FBXL18: variants seen among roughly 807,000 people sequenced by gnomAD.
The protein encoded by FBXL18 is F-box/LRR-repeat protein 18.
Under a neutral mutation model 46.0 loss-of-function variants are expected in FBXL18, and 36 were observed. That is an observed-to-expected ratio of 0.78 (90% CI 0.60 to 1.03). The LOEUF (loss-of-function observed/expected upper bound fraction) is 1.03. FBXL18 is among the 50% of genes least tolerant of loss of function. The pLI, the probability that FBXL18 is intolerant of heterozygous loss-of-function variation, is 0.00. For synonymous variants in FBXL18, 557 were observed against 465.3 expected (o/e 1.20, Z -2.54); for missense variants, 977 against 1,004.1 (o/e 0.97, Z 0.36).
chr7:5,482,502 C>A (rs577458594), intron 4 of FBXL18, among the ~76,000 whole-genome samples: 20 of 151,298 alleles, frequency 1.3e-4, no homozygotes, highest in Middle Eastern at 3.4e-3. Context: ...CGACCCCCCC[C>A]CAATGCCCCC....
At chr7:5,483,458 AT>A (rs1454262286) in intron 4 of FBXL18, among the ~76,000 whole-genome samples, 1 of 148,834 alleles carries the variant, frequency 6.7e-6, no homozygotes, top group African/African-American at 2.5e-5. Flanking sequence ...GAAAAAAAAA[AT>A]CGAGGCTGAG....
intron 3 of FBXL18, 99 bp downstream of exon 3, chr7:5,500,389 C>T: frequency 8.5e-7 from 1 of 1,170,750 alleles, no homozygotes; most frequent in Non-Finnish European, 1.2e-6. Context: ...AGCCTCTGCA[C>T]TCCTGGAGGG....
intron 4 of FBXL18, among the ~76,000 whole-genome samples, chr7:5,486,657 A>G (rs1236036962): frequency 6.6e-6 from 1 of 152,158 alleles, no homozygotes; most frequent in Non-Finnish European, 1.5e-5. Context: ...TGTCTCTAAA[A>G]AAAGAAAAAG....
intron 4 of FBXL18, among the ~76,000 whole-genome samples, chr7:5,486,000 A>G (rs1453233446): frequency 6.6e-6 from 1 of 151,976 alleles, no homozygotes; most frequent in African/African-American, 2.4e-5. Context: ...CGGAGGTTGC[A>G]GTGAGCCGAG....
chr7:5,481,519 T>G lies in FBXL18; in HGVS notation c.*256A>C. ...AGCCAGGCCCCAAGGGTCAGCCTGG[T>G]TCAGCCAGCCCCCCACATCGACCGT... On this transcript the variant is annotated 3_prime_UTR_variant, in exon 5 of 5. Transcript: ENST00000382368. 1.0e-5 allele frequency: 4 copies of G among 387,216 alleles called. No individual in the cohort carries two copies. The highest frequency in any genetic ancestry group is 4.2e-5 in the Admixed American group (1 of 23,920). The allele number at this position is 387,216 out of a possible 1,614,324, so 24.0% of individuals were successfully genotyped here. A position where few individuals can be genotyped will look rare whatever the true frequency, so the allele number is the denominator to read the frequency against.
chr7:5,490,412 T>C (rs1783891771), intron 4 of FBXL18, among the ~76,000 whole-genome samples: 1 of 152,216 alleles, frequency 6.6e-6, no homozygotes, highest in African/African-American at 2.4e-5. Flanking sequence ...CAATTCTAGG[T>C]GCTCACCTGA....
intron 3 of FBXL18, among the ~76,000 whole-genome samples, chr7:5,491,809 G>A (rs987262544): frequency 2.0e-5 from 3 of 152,190 alleles, no homozygotes; most frequent in Non-Finnish European, 2.9e-5. Context: ...CTGGTGTGCT[G>A]GGCAGCGGAT....
Position 5,481,652 on chromosome 7 carries a change from G to C in FBXL18, c.*123C>G, listed in dbSNP as rs1192356958. 5.9e-6 allele frequency: 6 copies of C among 1,019,234 alleles called. No individual in the cohort carries two copies. In the East Asian group the frequency reaches 1.2e-4, roughly 20 times the overall value. 63.1% of individuals were successfully genotyped at this position (1,019,234 alleles called of 1,614,324 possible). ...GAGACGCCGGGAGCCCCAGGAGCCA[G>C]GTGGGGCGTGGCTGGCCGGGAGAGA... On this transcript the variant is annotated 3_prime_UTR_variant, in exon 5 of 5. Coordinates refer to ENST00000382368, the MANE Select transcript of FBXL18 (RefSeq NM_024963.6).
intron 3 of FBXL18, among the ~76,000 whole-genome samples, chr7:5,492,409 G>A (rs1351850903): frequency 6.6e-6 from 1 of 151,592 alleles, no homozygotes; most frequent in Non-Finnish European, 1.5e-5. Flanking sequence ...AGAATCAAGA[G>A]GGAGCAGAGA....
intron 1 of FBXL18, among the ~76,000 whole-genome samples, 165 bp downstream of exon 1, chr7:5,513,492 G>A (rs1455096731): frequency 6.6e-6 from 1 of 152,060 alleles, no homozygotes; most frequent in Non-Finnish European, 1.5e-5. Flanking sequence ...GACAGGATGC[G>A]GGAAGGACGG....
intron 1 of FBXL18, among the ~76,000 whole-genome samples, chr7:5,512,883 G>A (rs1295648163): frequency 6.6e-6 from 1 of 152,100 alleles, no homozygotes; most frequent in Admixed American, 6.6e-5. Flanking sequence ...ATCACTCTGA[G>A]GAAGACACTT....
intron 4 of FBXL18, among the ~76,000 whole-genome samples, chr7:5,466,169 T>A (rs572377000): frequency 3.7e-4 from 46 of 123,620 alleles, no homozygotes; most frequent in Admixed American, 2.5e-3. Flanking sequence ...TCAGAGAATT[T>A]AAAAAAAAAA....
chr7:5,462,573 C>G (rs1783263111), intron 4 of FBXL18, among the ~76,000 whole-genome samples: 1 of 152,168 alleles, frequency 6.6e-6, no homozygotes, highest in South Asian at 2.1e-4. Context: ...ACGATGTTTT[C>G]ACCTGCAGCT....
chr7:5,474,922 G>A (rs144704582), downstream of FBXL18, among the ~76,000 whole-genome samples: 35,716 of 147,950 alleles, frequency 0.24, 4,922 homozygotes, highest in Non-Finnish European at 0.3. Context: ...GTTCGCCAGG[G>A]TGGTCTTGAT....
intron 4 of FBXL18, among the ~76,000 whole-genome samples, chr7:5,464,296 T>G (rs1314962081): frequency 6.6e-6 from 1 of 151,568 alleles, no homozygotes; most frequent in African/African-American, 2.4e-5. Context: ...CTGGTCAACA[T>G]GACAAAACCC....
At chr7:5,467,542 T>C (rs1783361454) in intron 4 of FBXL18, among the ~76,000 whole-genome samples, 1 of 147,884 alleles carries the variant, frequency 6.8e-6, no homozygotes, top group Non-Finnish European at 1.5e-5. Context: ...TGAGACTCCG[T>C]CTCCAAAAAA....
At chr7:5,512,297 T>A (rs562564328) in intron 1 of FBXL18, among the ~76,000 whole-genome samples, 135 of 85,466 alleles carry the variant, frequency 1.6e-3, no homozygotes, top group African/African-American at 3.2e-3. Context: ...AAGTGTTATT[T>A]AAAAAAAAAA....
chr7:5,473,931 A>G (rs905349100), downstream of FBXL18, among the ~76,000 whole-genome samples: 2 of 151,954 alleles, frequency 1.3e-5, no homozygotes, highest in Non-Finnish European at 2.9e-5. Context: ...AGTAGCTGGG[A>G]CTACAGGCGT....
chr7:5,498,183 G>GT (rs1784134957), intron 3 of FBXL18, among the ~76,000 whole-genome samples: 1 of 151,586 alleles, frequency 6.6e-6, no homozygotes, highest in Admixed American at 6.6e-5. Context: ...CGCCTCCCGG[G>GT]TTCATGCCAT....
Sources: gnomAD v4.1 joint callset for allele counts (sites outside exome capture counted in the v4.1 genomes callset) on GRCh38, gnomAD v4.1.1 for gene constraint, MANE v1.5 for transcripts, NCBI Gene and HGNC (gene_info 2026-07-23, HGNC 2026-07-21) for gene names.